The following DTNB variants were observed in gnomAD, a reference collection of about 807,000 sequenced individuals.
DTNB encodes the protein DTN-B.
Under a neutral mutation model 90.7 loss-of-function variants are expected in DTNB, and 63 were observed. That is an observed-to-expected ratio of 0.69 (90% CI 0.57 to 0.86). The LOEUF (loss-of-function observed/expected upper bound fraction) is 0.86. DTNB is among the 40% of genes least tolerant of loss of function. The pLI is 0.00. For missense variants in DTNB, 744 were observed against 807.1 expected (o/e 0.92, Z 0.95); for synonymous variants, 277 against 286.7 (o/e 0.97, Z 0.34).
rs928957756 is a variant in DTNB at position 25,397,269 on chromosome 2, C to A, written c.1576-8908G>T. On this transcript the variant is annotated intron_variant, in intron 16 of 20. Transcript: ENST00000406818. ...AGAAGAATTGCTTGAATCTGGGAGG[C>A]AGAGGCTGCAGTGAGCTGAGATAGC... 2.7e-5 allele frequency among the ~76,000 whole-genome samples: 4 copies of A among 148,932 alleles called. 1 individual carries two copies. The Admixed American group carries it at 2.7e-4, about 10-fold the overall frequency.
chr2:25,387,539 G>T lies in DTNB; in HGVS notation c.1736-161C>A, dbSNP rs1229907014. On this transcript the variant is annotated intron_variant, in intron 17 of 20. Transcript: ENST00000406818. The surrounding 1 kb of genome is among the most constrained non-coding windows in gnomAD (Gnocchi z 4.5). ...TCCACCCATTCCCAGGCACACCGGG[G>T]GCAGGAGGCACCAGCCCACTGGTCC... 6.6e-6 allele frequency among the ~76,000 whole-genome samples: 1 copy of T among 152,128 alleles called. No homozygotes were observed. The highest frequency in any genetic ancestry group is 1.5e-5 in the Non-Finnish European group (1 of 68,004).
At chr2:25,515,553 A>C (rs896933083) in intron 9 of DTNB, among the ~76,000 whole-genome samples, 3 of 151,372 alleles carry the variant, frequency 2.0e-5, no homozygotes, top group Admixed American at 6.6e-5. Context: ...ACTGGTGCTT[A>C]GACAAGTGGA....
intron 4 of DTNB, among the ~76,000 whole-genome samples, chr2:25,623,216 A>T (rs906824862): frequency 5.3e-5 from 8 of 152,230 alleles, no homozygotes; most frequent in Non-Finnish European, 1.0e-4. Flanking sequence ...GGAAAGTTTT[A>T]AAAAATCTCC....
chr2:25,479,597 G>C (rs145390016), intron 10 of DTNB, among the ~76,000 whole-genome samples: 32 of 152,212 alleles, frequency 2.1e-4, no homozygotes, highest in African/African-American at 7.5e-4. Context: ...AGAACCTCTC[G>C]GGAACATAAT....
At chr2:25,644,317 C>A (rs2078980451) in intron 2 of DTNB, among the ~76,000 whole-genome samples, 1 of 151,886 alleles carries the variant, frequency 6.6e-6, no homozygotes. Flanking sequence ...ATGGAAGATA[C>A]AGGAAGTAAG....
At chr2:25,628,489 A>G in intron 3 of DTNB, 105 bp from the exon 4 acceptor site, 1 of 1,090,756 alleles carries the variant, frequency 9.2e-7, no homozygotes, top group Non-Finnish European at 1.3e-6. Flanking sequence ...TAAAGAGAAG[A>G]AACTCTTTAG....
intron 9 of DTNB, among the ~76,000 whole-genome samples, chr2:25,530,458 T>C (rs982589186): frequency 1.3e-5 from 2 of 152,032 alleles, no homozygotes; most frequent in African/African-American, 4.8e-5. Context: ...ATGATAATAA[T>C]GTCTAAAACT....
chr2:25,596,567 T>C (rs2064688822), intron 5 of DTNB: 1 of 177,754 alleles, frequency 5.6e-6, no homozygotes, highest in Non-Finnish European at 1.2e-5. Context: ...CAAGAAGAAT[T>C]TGCAGCAGCA....
chr2:25,609,669 C>T lies in DTNB; in HGVS notation c.363-2348G>A, dbSNP rs1332438117. ...CCATAATAGAATGTACACACACACA[C>T]ACACACACACACACACACACACACA... On this transcript the variant is annotated intron_variant, in intron 4 of 20. Transcript: ENST00000406818. Among the ~76,000 whole-genome samples the T allele has an allele frequency of 1.0e-3, 125 of 125,052 alleles. No individual in the cohort carries two copies. In the Middle Eastern group the frequency reaches 0.012, roughly 12 times the overall value. 82.0% of individuals were successfully genotyped at this position (125,052 alleles called of 152,430 possible).
chr2:25,415,837 C>T (rs1227860337), intron 16 of DTNB, among the ~76,000 whole-genome samples: 1 of 152,098 alleles, frequency 6.6e-6, no homozygotes, highest in African/African-American at 2.4e-5. Context: ...CTGGAACTTG[C>T]CCTATGTACA....
At chr2:25,397,337 C>CAAAAAAA (rs749225408) in intron 16 of DTNB, among the ~76,000 whole-genome samples, 1 of 63,408 alleles carries the variant, frequency 1.6e-5, no homozygotes. Flanking sequence ...GACTCTGTCT[C>CAAAAAAA]AAAAAAAAAA....
rs2075433405 is a variant in DTNB at position 25,518,086 on chromosome 2, G to A, written c.1001+13387C>T. On this transcript the variant is annotated intron_variant, in intron 9 of 20. Coordinates refer to ENST00000406818, the MANE Select transcript of DTNB (RefSeq NM_021907.5). ...GGGAAAGGGCATTGCTGTTTAACGG[G>A]TATGGAAAAAGTTCTGAAGATCTGT... Among the ~76,000 whole-genome samples, 4 of 152,088 alleles carry A rather than the reference G, an allele frequency of 2.6e-5. No homozygotes were observed. The South Asian group carries it at 8.3e-4, about 32-fold the overall frequency.
At chr2:25,442,884 A>C (rs1183975665) in intron 12 of DTNB, among the ~76,000 whole-genome samples, 1 of 152,230 alleles carries the variant, frequency 6.6e-6, no homozygotes, top group Admixed American at 6.5e-5. Context: ...TGTTAGAACC[A>C]GAGGTAATAG....
chr2:25,565,101 T>C (rs1296172096), intron 8 of DTNB, among the ~76,000 whole-genome samples: 2 of 152,232 alleles, frequency 1.3e-5, no homozygotes, highest in African/African-American at 4.8e-5. Flanking sequence ...TTTTGCTTGC[T>C]TTCTTGCTTA....
intron 1 of DTNB, among the ~76,000 whole-genome samples, chr2:25,658,144 C>CTA (rs1210583932): frequency 6.6e-6 from 1 of 151,740 alleles, no homozygotes; most frequent in African/African-American, 2.4e-5. Context: ...GTAGTCCCAG[C>CTA]TACTCAGGAG....
intron 12 of DTNB, among the ~76,000 whole-genome samples, chr2:25,436,818 T>A (rs1370919477): frequency 6.6e-6 from 1 of 152,130 alleles, no homozygotes; most frequent in Non-Finnish European, 1.5e-5. Context: ...AAACTGGAGC[T>A]AAAAGTAACA....
intron 9 of DTNB, among the ~76,000 whole-genome samples, chr2:25,508,537 G>GTTTTTT (rs575242257): frequency 7.8e-6 from 1 of 127,616 alleles, no homozygotes. Context: ...TTCGCTCTTT[G>GTTTTTT]TTTTTTATTT....
intron 6 of DTNB, among the ~76,000 whole-genome samples, chr2:25,585,173 C>G (rs941938603): frequency 2.6e-5 from 4 of 152,138 alleles, no homozygotes; most frequent in Non-Finnish European, 5.9e-5. Context: ...TGCATTCCCA[C>G]AATTCTCATT....
chr2:25,619,604 A>G (rs187920605), intron 4 of DTNB, among the ~76,000 whole-genome samples: 2 of 152,378 alleles, frequency 1.3e-5, no homozygotes, highest in East Asian at 1.9e-4. Flanking sequence ...TCTCACGGAC[A>G]TCCATTCCAT....
Sources: allele counts gnomAD v4.1 joint callset (sites outside exome capture counted in the v4.1 genomes callset), GRCh38; gene constraint gnomAD v4.1.1; non-coding constraint Gnocchi (gnomAD v3.1); transcripts MANE v1.5; gene names NCBI Gene and HGNC (gene_info 2026-07-23, HGNC 2026-07-21).